Variants in GPC5 observed in about 807,000 individuals in gnomAD.
GPC5 encodes the protein glypican 5.
GPC5 carries 47 observed loss-of-function variants against 53.9 expected under a neutral mutation model. The ratio of observed to expected loss-of-function variants is 0.87; its 90% CI spans 0.69 to 1.11. The LOEUF is 1.11. Among genes scored for constraint, GPC5 ranks in the 50% most tolerant of loss-of-function variants. The pLI is 0.00. For synonymous variants in GPC5, 286 were observed against 263.3 expected, an observed-to-expected ratio of 1.09 and a Z score of -0.84; for missense variants, 748 against 713.1, an observed-to-expected ratio of 1.05 and a Z score of -0.56.
chr13:92,279,992 C>A (rs1041402721), intron 7 of GPC5, among the ~76,000 whole-genome samples: 6 of 151,848 alleles, frequency 4.0e-5, no homozygotes, highest in Admixed American at 3.9e-4. Context: ...TGTGTTAATT[C>A]TTTAAATATT....
chr13:92,736,158 G>A (rs1888929325), intron 7 of GPC5, among the ~76,000 whole-genome samples: 1 of 151,890 alleles, frequency 6.6e-6, no homozygotes, highest in Admixed American at 6.6e-5. Flanking sequence ...CAGTTGTTAT[G>A]TCTTTGTTTA....
In GPC5 at chr13:92,167,429, A is replaced by G. The variant is rs866711757; in HGVS notation, c.1561+22440A>G. ...CACAGGGTTTTAAAATGAAATGAGT[A>G]AAAGCAATGCAAATGATTGAAGCTG... On this transcript the variant is annotated intron_variant, in intron 7 of 7. Transcript: ENST00000377067. Among the ~76,000 whole-genome samples the G allele has an allele frequency of 2.6e-5, 4 of 152,322 alleles. No individual in the cohort carries two copies. In the South Asian group the frequency reaches 8.3e-4, roughly 32 times the overall value.
intron 7 of GPC5, among the ~76,000 whole-genome samples, chr13:92,228,474 A>T (rs1412594993): frequency 6.6e-6 from 1 of 152,132 alleles, no homozygotes; most frequent in Non-Finnish European, 1.5e-5. Flanking sequence ...ATTTTAATAA[A>T]ATTAAGAAAA....
chr13:92,443,906 ATTG>A (rs1456361100), intron 7 of GPC5, among the ~76,000 whole-genome samples: 1 of 152,208 alleles, frequency 6.6e-6, no homozygotes, highest in Admixed American at 6.5e-5. Context: ...GTTCTTGATC[ATTG>A]TTGAGGGCCC....
intron 7 of GPC5, among the ~76,000 whole-genome samples, chr13:92,428,889 A>G (rs1876959263): frequency 6.6e-6 from 1 of 152,122 alleles, no homozygotes; most frequent in Admixed American, 6.6e-5. Flanking sequence ...GCTTCAAGAA[A>G]TCATGAAGAA....
intron 5 of GPC5, among the ~76,000 whole-genome samples, chr13:91,870,716 A>G (rs982226908): frequency 2.6e-5 from 4 of 152,334 alleles, no homozygotes; most frequent in Middle Eastern, 3.4e-3. Flanking sequence ...TTTATGTATT[A>G]AGCAGAAAAT....
chr13:92,504,840 A>T (rs962276445), intron 7 of GPC5, among the ~76,000 whole-genome samples: 1 of 151,990 alleles, frequency 6.6e-6, no homozygotes, highest in African/African-American at 2.4e-5. Flanking sequence ...CTCTAAATTG[A>T]TCATAGATGT....
intron 6 of GPC5, among the ~76,000 whole-genome samples, chr13:92,020,158 G>T (rs771228077): frequency 6.6e-6 from 1 of 151,820 alleles, no homozygotes. Context: ...TTCTTTCTTT[G>T]ACTCTGCTCT....
At chr13:91,848,076 G>T (rs2038872485) in intron 5 of GPC5, among the ~76,000 whole-genome samples, 1 of 152,174 alleles carries the variant, frequency 6.6e-6, no homozygotes, top group Non-Finnish European at 1.5e-5. Flanking sequence ...CACAGTGATG[G>T]AATGGGCTGC....
intron 7 of GPC5, among the ~76,000 whole-genome samples, chr13:92,265,763 A>G (rs1464901602): frequency 6.6e-6 from 1 of 152,168 alleles, no homozygotes; most frequent in Admixed American, 6.6e-5. Context: ...CCACTTCTCC[A>G]GTACCAATTT....
chr13:91,699,507 A>T (rs535449070), intron 3 of GPC5, among the ~76,000 whole-genome samples: 1 of 152,320 alleles, frequency 6.6e-6, no homozygotes, highest in South Asian at 2.1e-4. Flanking sequence ...ACCTTTGCTT[A>T]ATTTTTGTTT....
intron 7 of GPC5, among the ~76,000 whole-genome samples, chr13:92,480,611 C>T (rs2209831): frequency 0.13 from 20,505 of 152,096 alleles, 2,349 homozygotes; most frequent in African/African-American, 0.31. Flanking sequence ...GTCTCATGGT[C>T]GCAAGATGAC....
At chr13:92,232,483 G>T (rs902508199) in intron 7 of GPC5, among the ~76,000 whole-genome samples, 4 of 152,116 alleles carry the variant, frequency 2.6e-5, no homozygotes, top group African/African-American at 9.7e-5. Context: ...GCTGGCTAGG[G>T]TCAGTAATAT....
chr13:92,027,892 G>A (rs2040812500), intron 6 of GPC5, among the ~76,000 whole-genome samples: 1 of 152,072 alleles, frequency 6.6e-6, no homozygotes, highest in African/African-American at 2.4e-5. Context: ...ATACCAATAT[G>A]TCTTATCCCA....
chr13:92,800,676 T>C (rs1221067882), intron 7 of GPC5, among the ~76,000 whole-genome samples: 1 of 151,830 alleles, frequency 6.6e-6, no homozygotes, highest in Non-Finnish European at 1.5e-5. Context: ...CCTATGATTA[T>C]CTAGAAGGCT....
chr13:91,965,372 A>C (rs1175532596), intron 6 of GPC5, among the ~76,000 whole-genome samples: 1 of 152,140 alleles, frequency 6.6e-6, no homozygotes, highest in East Asian at 1.9e-4. Context: ...CATTTGGAGA[A>C]GTGTTTTAAC....
intron 7 of GPC5, among the ~76,000 whole-genome samples, chr13:92,803,585 T>G (rs1876987050): frequency 6.6e-6 from 1 of 151,860 alleles, no homozygotes; most frequent in African/African-American, 2.4e-5. Context: ...TCACCTAAGG[T>G]CTTGTATTAA....
chr13:91,975,969 T>C (rs2040296564), intron 6 of GPC5, among the ~76,000 whole-genome samples: 1 of 152,110 alleles, frequency 6.6e-6, no homozygotes, highest in African/African-American at 2.4e-5. Context: ...ATGTCCTTTG[T>C]AGGGACATGG....
chr13:92,259,377 A>T (rs2042749301), intron 7 of GPC5, among the ~76,000 whole-genome samples: 1 of 152,162 alleles, frequency 6.6e-6, no homozygotes, highest in Admixed American at 6.5e-5. Context: ...ATAAAAAAAG[A>T]CTTAAATTTT....
Sources: allele counts gnomAD v4.1 joint callset (sites outside exome capture counted in the v4.1 genomes callset), GRCh38; gene constraint gnomAD v4.1.1; transcripts MANE v1.5; gene names NCBI Gene and HGNC (gene_info 2026-07-23, HGNC 2026-07-21).